Variants in DACH1 observed in about 807,000 individuals in gnomAD.
DACH1 encodes the protein dachshund family transcription factor 1.
A neutral mutation model predicts 54.2 loss-of-function variants in DACH1; 12 were observed. The observed-to-expected ratio is 0.22, with a 90% CI of 0.14 to 0.36. DACH1 has a LOEUF of 0.36. DACH1 is among the 10% of genes least tolerant of loss of function. DACH1 has a pLI of 1.00. For synonymous variants in DACH1, 386 were observed against 366.2 expected (o/e 1.05, Z -0.62); for missense variants, 805 against 929.8 (o/e 0.87, Z 1.75).
chr13:71,761,123 G>T (rs927295059), intron 1 of DACH1, among the ~76,000 whole-genome samples: 41 of 151,456 alleles, frequency 2.7e-4, no homozygotes, highest in African/African-American at 9.9e-4. Flanking sequence ...ATTGAATAAA[G>T]ATAAGTAGAT....
At chr13:71,785,088 C>T (rs570868979) in intron 1 of DACH1, among the ~76,000 whole-genome samples, 1 of 152,190 alleles carries the variant, frequency 6.6e-6, no homozygotes, top group South Asian at 2.1e-4. Flanking sequence ...TTCTTATTTT[C>T]AATTGTGAGA....
chr13:71,729,326 A>G (rs1176173553), intron 1 of DACH1, among the ~76,000 whole-genome samples: 1 of 152,072 alleles, frequency 6.6e-6, no homozygotes, highest in Non-Finnish European at 1.5e-5. Context: ...TAGTCCACAC[A>G]TATGAGAGAA....
intron 6 of DACH1, among the ~76,000 whole-genome samples, chr13:71,521,684 C>T (rs1881611002): frequency 6.6e-6 from 1 of 152,010 alleles, no homozygotes; most frequent in African/African-American, 2.4e-5. Context: ...CTTTTCTTCA[C>T]CCAGAAAGTA....
intron 1 of DACH1, among the ~76,000 whole-genome samples, chr13:71,856,867 T>C (rs1251753385): frequency 6.6e-6 from 1 of 151,980 alleles, no homozygotes; most frequent in Non-Finnish European, 1.5e-5. Context: ...TCTCCTTATG[T>C]AGACCTGCAG....
chr13:71,650,143 G>A (rs1878572090), intron 2 of DACH1, among the ~76,000 whole-genome samples: 1 of 152,162 alleles, frequency 6.6e-6, no homozygotes, highest in Non-Finnish European at 1.5e-5. Context: ...GAATAGTGGA[G>A]AATAGATAAA....
chr13:71,444,283 T>C (rs1874258473), intron 10 of DACH1, among the ~76,000 whole-genome samples: 1 of 152,188 alleles, frequency 6.6e-6, no homozygotes, highest in Non-Finnish European at 1.5e-5. Flanking sequence ...GATGGAGTGT[T>C]GATACTTTTG....
Position 71,819,924 on chromosome 13 carries a change from T to C in DACH1, c.848+45998A>G, listed in dbSNP as rs984313444. ...TCGGGGGAGAAGATGTGGATGACATTAGCTAGAATGGACCAGAAATGGCTC... is the reference window on the plus strand; with the variant it reads ...TCGGGGGAGAAGATGTGGATGACATCAGCTAGAATGGACCAGAAATGGCTC... On this transcript the variant is annotated intron_variant, in intron 1 of 10. Coordinates refer to ENST00000613252, the MANE Select transcript of DACH1 (RefSeq NM_080759.6). Among the ~76,000 whole-genome samples the C allele has an allele frequency of 3.3e-5, 5 of 151,632 alleles. No homozygotes were observed. The East Asian group carries it at 9.7e-4, about 30-fold the overall frequency.
intron 1 of DACH1, among the ~76,000 whole-genome samples, chr13:71,705,957 C>A (rs1469555156): frequency 1.3e-5 from 2 of 152,070 alleles, no homozygotes; most frequent in Non-Finnish European, 2.9e-5. Context: ...CTTCTGTACC[C>A]TTGTACAATA....
Position 71,653,063 on chromosome 13 carries a change from T to C in DACH1, c.965-22346A>G, listed in dbSNP as rs1878798123. 2.0e-5 allele frequency among the ~76,000 whole-genome samples: 3 copies of C among 152,300 alleles called. No homozygotes were observed. The South Asian group carries it at 6.2e-4, about 32-fold the overall frequency. Reference sequence around the variant, plus strand: ...GGAAGCTTAAACTAAAACACACATTTGGTTAAACTGTATGAAATTGCTGAT... The same window carrying C: ...GGAAGCTTAAACTAAAACACACATTCGGTTAAACTGTATGAAATTGCTGAT... On this transcript the variant is annotated intron_variant, in intron 2 of 10. Coordinates refer to ENST00000613252, the MANE Select transcript of DACH1 (RefSeq NM_080759.6).
At position 71,682,005 on chromosome 13, in the gene DACH1, T is replaced by C. The variant is rs531141839; in HGVS notation, c.849-95A>G. ...AGTGGTAACATGGACTGTAAATAAA[T>C]TTGTTTCAAGGACGGTTGCTTTTGC... On this transcript the variant is annotated intron_variant, in intron 1 of 10. Transcript: ENST00000613252. 96 of 661,298 alleles carry C rather than the reference T, an allele frequency of 1.5e-4. 1 individual carries two copies. Among genetic ancestry groups the C allele is most frequent in the Middle Eastern group, 1.3e-3 (5 of 3,796 alleles). 41.0% of individuals were successfully genotyped at this position (661,298 alleles called of 1,614,324 possible).
intron 1 of DACH1, among the ~76,000 whole-genome samples, chr13:71,786,826 T>A (rs1886612542): frequency 6.6e-6 from 1 of 152,188 alleles, no homozygotes; most frequent in South Asian, 2.1e-4. Context: ...TTCTTCTTCT[T>A]TTTGTTTATT....
chr13:71,775,280 G>A (rs1028287475), intron 1 of DACH1, among the ~76,000 whole-genome samples: 1 of 151,706 alleles, frequency 6.6e-6, no homozygotes, highest in Non-Finnish European at 1.5e-5. Flanking sequence ...ACTCCAGCCT[G>A]GGCAACAGGG....
intron 1 of DACH1, among the ~76,000 whole-genome samples, chr13:71,722,441 A>G (rs1378206472): frequency 6.6e-6 from 1 of 152,180 alleles, no homozygotes; most frequent in Non-Finnish European, 1.5e-5. Flanking sequence ...GTCATACCGA[A>G]CACCAAAGAA....
chr13:71,479,607 C>G (rs1020489133), intron 7 of DACH1, among the ~76,000 whole-genome samples: 2 of 152,010 alleles, frequency 1.3e-5, no homozygotes, highest in Non-Finnish European at 2.9e-5. Context: ...AGATCCAAAG[C>G]TAAATAAGGG....
chr13:71,579,888 A>G (rs1885755820), intron 3 of DACH1, among the ~76,000 whole-genome samples: 1 of 152,022 alleles, frequency 6.6e-6, no homozygotes, highest in Admixed American at 6.6e-5. Flanking sequence ...AACCAGGGAA[A>G]ATAGATCCAC....
chr13:71,775,032 C>T (rs1367404084), intron 1 of DACH1, among the ~76,000 whole-genome samples: 1 of 150,390 alleles, frequency 6.6e-6, no homozygotes. Context: ...TGCCTATAAT[C>T]CCAGCACTTT....
Position 71,636,679 on chromosome 13 carries a change from T to C in DACH1, c.965-5962A>G, listed in dbSNP as rs148580355. On this transcript the variant is annotated intron_variant, in intron 2 of 10. Transcript: ENST00000613252. ...ATAAGTCATATATTGTGTTCTCTCT[T>C]CTAGGCCTCCAATTGGTCTTCAGGA... is the stretch of plus-strand genomic sequence containing the variant. Among the ~76,000 whole-genome samples the C allele has an allele frequency of 2.4e-4, 37 of 152,004 alleles. No individual in the cohort carries two copies. In the East Asian group the frequency reaches 6.8e-3, roughly 28 times the overall value.
intron 2 of DACH1, among the ~76,000 whole-genome samples, chr13:71,664,674 C>G (rs984806062): frequency 1.3e-5 from 2 of 151,788 alleles, no homozygotes; most frequent in African/African-American, 4.8e-5. Context: ...GGTACATATT[C>G]CATAGATTTT....
At chr13:71,461,684 C>A (rs1270792916) in intron 10 of DACH1, among the ~76,000 whole-genome samples, 1 of 151,854 alleles carries the variant, frequency 6.6e-6, no homozygotes. Context: ...AAATTTCTCT[C>A]CAAATCACTA....
Sources: allele counts gnomAD v4.1 joint callset (sites outside exome capture counted in the v4.1 genomes callset), GRCh38; gene constraint gnomAD v4.1.1; transcripts MANE v1.5; gene names NCBI Gene and HGNC (gene_info 2026-07-23, HGNC 2026-07-21).